Variants in FXYD7 observed in about 807,000 individuals in gnomAD.
The protein encoded by FXYD7 is FXYD domain containing ion transport regulator 7, also known as FXYD domain-containing ion transport regulator 7.
Under a neutral mutation model 15.3 loss-of-function variants are expected in FXYD7, and 7 were observed. That is an observed-to-expected ratio of 0.46 (90% CI 0.26 to 0.86). The LOEUF (loss-of-function observed/expected upper bound fraction) is 0.86. FXYD7 is among the 40% of genes least tolerant of loss of function. FXYD7 has a pLI of 0.16. For synonymous variants in FXYD7, 39 were observed against 39.3 expected, an observed-to-expected ratio of 0.99 and a Z score of 0.03; for missense variants, 78 against 100.6, an observed-to-expected ratio of 0.78 and a Z score of 0.96.
rs542173291 is a variant in FXYD7 at position 35,153,873 on chromosome 19, A to G, written c.221-21A>G. 441 of 1,612,050 alleles carry G rather than the reference A, an allele frequency of 2.7e-4. 3 individuals are homozygous for G. The South Asian group carries it at 4.6e-3, about 17-fold the overall frequency. Reference sequence around the variant, plus strand: ...GCAGTTTCCACCTTTCTAGTGGCTCACGCACCCCCTCTCTCCCCAGCCCCT... The same window carrying G: ...GCAGTTTCCACCTTTCTAGTGGCTCGCGCACCCCCTCTCTCCCCAGCCCCT... On this transcript the variant is annotated intron_variant, in intron 5 of 5. Transcript: ENST00000270310.
chr19:35,148,770 G>C, intron 2 of FXYD7, 47 bp downstream of exon 2: 2 of 1,529,820 alleles, frequency 1.3e-6, no homozygotes, highest in Non-Finnish European at 1.8e-6. Context: ...AGTAGCTGCA[G>C]GTGCTCACAG....
chr19:35,145,869 C>G (rs2065287242), intron 1 of FXYD7, among the ~76,000 whole-genome samples: 1 of 152,108 alleles, frequency 6.6e-6, no homozygotes, highest in Non-Finnish European at 1.5e-5. Context: ...CCTCAACATC[C>G]TGGGCTCAAT....
rs771344103 is a variant in FXYD7, at chr19:35,148,701, G to A, written c.39G>A (p.Glu13=). 1 of 1,576,814 alleles carries A rather than the reference G, an allele frequency of 6.3e-7. No homozygotes were observed. Residue 13 remains glutamate (E), a synonymous_variant, in exon 2 of 6, where the codon GAG becomes GAA. Coordinates refer to ENST00000270310, the MANE Select transcript of FXYD7 (RefSeq NM_022006.2). ...TCTGCTTCTTTCCCTCAGCTCCTGA[G>A]GAACCTGACCCATTTTACTATGGTG... ...TPTQTPTKAP[E]EPDPFYYDYN...
At chr19:35,145,089 G>A (rs2065284676) in intron 1 of FXYD7, among the ~76,000 whole-genome samples, 1 of 152,082 alleles carries the variant, frequency 6.6e-6, no homozygotes, top group Non-Finnish European at 1.5e-5. Context: ...CAGTCCTGCA[G>A]GGGCAACGGC....
Position 35,151,621 on chromosome 19 carries a change from C to T in FXYD7, c.180-12C>T. 1.2e-6 allele frequency: 2 copies of T among 1,612,162 alleles called. No homozygotes were observed. The highest frequency in any genetic ancestry group is 1.7e-6 in the Non-Finnish European group (2 of 1,178,202). On this transcript the variant is annotated splice_polypyrimidine_tract_variant and intron_variant, in intron 4 of 5. Transcript: ENST00000270310. Reference sequence around the variant, plus strand: ...CTCTTTCTACTTTTCTCTCTCATCTCTGCCTCCACAGCCCAACCTGCAAAT... The same window carrying T: ...CTCTTTCTACTTTTCTCTCTCATCTTTGCCTCCACAGCCCAACCTGCAAAT...
At chr19:35,150,673 TGG>T (rs1442967672) in intron 2 of FXYD7, among the ~76,000 whole-genome samples, 1 of 151,600 alleles carries the variant, frequency 6.6e-6, no homozygotes, top group African/African-American at 2.4e-5. Flanking sequence ...CCAGGAACAG[TGG>T]GGAGGCCACT....
chr19:35,146,985 T>C (rs2065290872), intron 1 of FXYD7, among the ~76,000 whole-genome samples: 1 of 152,208 alleles, frequency 6.6e-6, no homozygotes, highest in African/African-American at 2.4e-5. Flanking sequence ...CAGTTTCAGC[T>C]AGAGTATGCT....
chr19:35,143,388 T>C lies in FXYD7; in HGVS notation c.31+24T>C. The C allele has an allele frequency of 6.7e-7, 1 of 1,490,292 alleles. No individual in the cohort carries two copies. Among genetic ancestry groups the C allele is most frequent in the Admixed American group, 2.5e-5 (1 of 40,212 alleles). 92.3% of individuals were successfully genotyped at this position (1,490,292 alleles called of 1,614,324 possible). A position where few individuals can be genotyped will look rare whatever the true frequency, so the allele number is the denominator to read the frequency against. On this transcript the variant is annotated intron_variant, in intron 1 of 5. Transcript: ENST00000270310. The surrounding 1 kb of genome is among the most constrained non-coding windows in gnomAD (Gnocchi z 4.3). ...GGGTGAGCGTCGTTTGGGGAGGGGG[T>C]TGCAGGGGGGCTCCGGGATCTGAGA...
chr19:35,148,063 GAA>G (rs747170914), intron 1 of FXYD7, among the ~76,000 whole-genome samples: 1 of 115,990 alleles, frequency 8.6e-6, no homozygotes, highest in Non-Finnish European at 1.7e-5. Flanking sequence ...AAGAAAGAAA[GAA>G]AGAAAGAAAG....
intron 2 of FXYD7, among the ~76,000 whole-genome samples, chr19:35,150,217 T>C (rs1018059986): frequency 6.6e-6 from 1 of 152,144 alleles, no homozygotes; most frequent in Non-Finnish European, 1.5e-5. Context: ...CATGAGCCAC[T>C]GTGCCCAGCT....
At chr19:35,146,971 CA>C (rs1470409586) in intron 1 of FXYD7, among the ~76,000 whole-genome samples, 3 of 152,310 alleles carry the variant, frequency 2.0e-5, no homozygotes, top group Non-Finnish European at 2.9e-5. Flanking sequence ...CCACCTCTAT[CA>C]ATCAGTTTCA....
chr19:35,153,539 C>A (rs1208676974), intron 5 of FXYD7, among the ~76,000 whole-genome samples: 1 of 152,094 alleles, frequency 6.6e-6, no homozygotes, highest in African/African-American at 2.4e-5. Flanking sequence ...CCCGTTGTAT[C>A]CAAATGTTCA....
At chr19:35,148,913 C>T in intron 2 of FXYD7, 190 bp downstream of exon 2, 2 of 722,710 alleles carry the variant, frequency 2.8e-6, no homozygotes, top group Non-Finnish European at 5.1e-6. Context: ...AGTGGGGATG[C>T]CTCACACTCT....
At chr19:35,151,728 G>C in intron 5 of FXYD7, 55 bp downstream of exon 5, 5 of 1,077,872 alleles carry the variant, frequency 4.6e-6, no homozygotes, top group Non-Finnish European at 6.8e-6. Flanking sequence ...GCAGGGAAGG[G>C]AACCCTCAGA....
In FXYD7 at chr19:35,153,034, T is replaced by TTTG. The variant is rs1491361697; in HGVS notation, c.221-858_221-857insGTT. Among the ~76,000 whole-genome samples, 20 of 52,268 alleles carry TTTG rather than the reference T, an allele frequency of 3.8e-4. 2 individuals carry two copies. Among genetic ancestry groups the TTTG allele is most frequent in the African/African-American group, 1.6e-3 (15 of 9,456 alleles). The allele number at this position is 52,268 out of a possible 152,430, so 34.3% of individuals were successfully genotyped here. A position where few individuals can be genotyped will look rare whatever the true frequency, so the allele number is the denominator to read the frequency against. On this transcript the variant is annotated intron_variant, in intron 5 of 5. Coordinates refer to ENST00000270310, the MANE Select transcript of FXYD7 (RefSeq NM_022006.2). ...TGGTGTGGAATTTGTTTCACGTTCC[T>TTTG]TTTTTTTTTTTTTTTTTTTTTTTTT...
rs901831533 is a variant in FXYD7, at chr19:35,143,468, G to A, written c.31+104G>A. On this transcript the variant is annotated intron_variant, in intron 1 of 5. Transcript: ENST00000270310. This position sits in a 1 kb window ranked among gnomAD's most constrained non-coding sequence, Gnocchi z 4.3. ...AGCAATGGTAAGGCAAGGGAGTTGGGGGAGGGAGGTCCGCTCCTCCTGTGG... is the reference window on the plus strand; with the variant it reads ...AGCAATGGTAAGGCAAGGGAGTTGGAGGAGGGAGGTCCGCTCCTCCTGTGG... 8.9e-6 allele frequency: 8 copies of A among 903,206 alleles called. No homozygotes were observed. In the East Asian group the frequency reaches 2.3e-4, roughly 26 times the overall value. The allele number at this position is 903,206 out of a possible 1,614,324, so 55.9% of individuals were successfully genotyped here.
At chr19:35,145,403 G>A (rs1473229419) in intron 1 of FXYD7, among the ~76,000 whole-genome samples, 3 of 152,210 alleles carry the variant, frequency 2.0e-5, no homozygotes, top group African/African-American at 7.2e-5. Context: ...TCTTCCACAT[G>A]GAACACCAGA....
chr19:35,151,796 A>G, intron 5 of FXYD7, 123 bp downstream of exon 5: 2 of 762,860 alleles, frequency 2.6e-6, no homozygotes, highest in Non-Finnish European at 4.8e-6. Flanking sequence ...GTGCCTGCAG[A>G]TATCACAGGA....
chr19:35,152,134 C>CAAAAAAAAAAAAA (rs71167517), intron 5 of FXYD7, among the ~76,000 whole-genome samples: 2,045 of 45,086 alleles, frequency 0.045, 212 homozygotes, highest in African/African-American at 0.06. Context: ...GTGAGACTGT[C>CAAAAAAAAAAAAA]AAAAAAAAAA....
Sources: allele counts gnomAD v4.1 joint callset (sites outside exome capture counted in the v4.1 genomes callset), GRCh38; gene constraint gnomAD v4.1.1; non-coding constraint Gnocchi (gnomAD v3.1); transcripts MANE v1.5; gene names NCBI Gene and HGNC (gene_info 2026-07-23, HGNC 2026-07-21).